The following LIPK variants were observed in gnomAD, a reference collection of about 807,000 sequenced individuals.
The protein encoded by LIPK is lipase member K.
Under a neutral mutation model 48.6 loss-of-function variants are expected in LIPK, and 32 were observed. That is an observed-to-expected ratio of 0.66 (90% CI 0.50 to 0.88). LIPK has a LOEUF of 0.88. LIPK is among the 40% of genes least tolerant of loss of function. The pLI, the probability that LIPK is intolerant of heterozygous loss-of-function variation, is 0.00. For synonymous variants in LIPK, 164 were observed against 157.4 expected, an observed-to-expected ratio of 1.04 and a Z score of -0.32; for missense variants, 507 against 478.5, an observed-to-expected ratio of 1.06 and a Z score of -0.56.
At chr10:88,727,832 T>C in intron 3 of LIPK, 1 of 359,604 alleles carries the variant, frequency 2.8e-6, no homozygotes. Context: ...CCTGAACAAG[T>C]TTGCCTCCTT....
In LIPK at chr10:88,749,639, T is replaced by C. The variant is rs1252757134; in HGVS notation, c.961-2878T>C. The stretch of plus-strand genomic sequence containing the variant: ...AAGATGGATTAAAGACTTAAATGTA[T>C]AACCTACAACTATAAAAACCCTAAA... On this transcript the variant is annotated intron_variant, in intron 9 of 9. Coordinates refer to ENST00000404190, the MANE Select transcript of LIPK (RefSeq NM_001080518.2). Among the ~76,000 whole-genome samples the C allele has an allele frequency of 4.3e-5, 5 of 115,078 alleles. No individual in the cohort carries two copies. The East Asian group carries it at 1.2e-3, about 28-fold the overall frequency. 75.5% of individuals were successfully genotyped at this position (115,078 alleles called of 152,430 possible). A position where few individuals can be genotyped will look rare whatever the true frequency, so the allele number is the denominator to read the frequency against.
rs564817695 is a variant in LIPK at position 88,708,572 on chromosome 10, T to A, written c.-12+2252T>A. Among the ~76,000 whole-genome samples the A allele has an allele frequency of 9.2e-5, 14 of 152,204 alleles. No individual in the cohort carries two copies. In the South Asian group the frequency reaches 2.7e-3, roughly 29 times the overall value. On this transcript the variant is annotated intron_variant, in intron 1 of 9. Coordinates refer to ENST00000404190, the MANE Select transcript of LIPK (RefSeq NM_001080518.2). ...TTTAGGTTGGCATATAAAATTTATG[T>A]CATATTTTTAAATCATTGCTAAGGT...
rs550617361 is a variant in LIPK at position 88,736,586 on chromosome 10, T to C, written c.670-1049T>C. Reference sequence around the variant, plus strand: ...AAAGGCAGGATCTGACTTTAACCGGTAAACAAATTTATTTTTTATTTATCA... The same window carrying C: ...AAAGGCAGGATCTGACTTTAACCGGCAAACAAATTTATTTTTTATTTATCA... On this transcript the variant is annotated intron_variant, in intron 6 of 9. Coordinates refer to ENST00000404190, the MANE Select transcript of LIPK (RefSeq NM_001080518.2). 1.3e-4 allele frequency among the ~76,000 whole-genome samples: 20 copies of C among 152,328 alleles called. No individual in the cohort carries two copies. In the South Asian group the frequency reaches 3.9e-3, roughly 30 times the overall value.
rs192042761 is a variant in LIPK at position 88,744,941 on chromosome 10, A to G, written c.960+1620A>G. 9.2e-4 allele frequency among the ~76,000 whole-genome samples: 140 copies of G among 152,350 alleles called. 2 individuals are homozygous for G. The highest frequency in any genetic ancestry group is 8.9e-3 in the Admixed American group (136 of 15,304). On this transcript the variant is annotated intron_variant, in intron 9 of 9. Coordinates refer to ENST00000404190, the MANE Select transcript of LIPK (RefSeq NM_001080518.2). The stretch of plus-strand genomic sequence containing the variant: ...GCCATTTTAAGAAATAACCAAATTG[A>G]TCTGATAGAGCTGGGAAACTCACTA...
Position 88,720,355 on chromosome 10 carries a change from C to A in LIPK, c.-11-4178C>A, listed in dbSNP as rs372212460. On this transcript the variant is annotated intron_variant, in intron 1 of 9. Coordinates refer to ENST00000404190, the MANE Select transcript of LIPK (RefSeq NM_001080518.2). ...GACACAAAGAGGGGAATGACAGACACTGGGGCCTACTTGAGGGTGGAGGGT... is the reference window on the plus strand; with the variant it reads ...GACACAAAGAGGGGAATGACAGACAATGGGGCCTACTTGAGGGTGGAGGGT... 7.8e-4 allele frequency among the ~76,000 whole-genome samples: 118 copies of A among 152,116 alleles called. 2 individuals are homozygous for A. Among genetic ancestry groups the A allele is most frequent in the African/African-American group, 2.7e-3 (111 of 41,494 alleles).
At chr10:88,722,580 G>C (rs192305081) in intron 1 of LIPK, among the ~76,000 whole-genome samples, 5 of 152,286 alleles carry the variant, frequency 3.3e-5, no homozygotes, top group East Asian at 1.9e-4. Context: ...TGATGTCTAA[G>C]AGTCTTCAGT....
chr10:88,741,573 T>C (rs1842680631), intron 8 of LIPK, among the ~76,000 whole-genome samples: 1 of 152,162 alleles, frequency 6.6e-6, no homozygotes, highest in African/African-American at 2.4e-5. Flanking sequence ...GAAAAACTTT[T>C]CCCCTTTGAC....
At chr10:88,728,536 A>T in intron 3 of LIPK, 2 of 335,174 alleles carry the variant, frequency 6.0e-6, no homozygotes, top group East Asian at 8.2e-5. Context: ...GCAGAGCTGG[A>T]GGCCGCCCTA....
intron 1 of LIPK, among the ~76,000 whole-genome samples, chr10:88,711,285 GAT>G (rs1842021104): frequency 6.6e-6 from 1 of 152,060 alleles, no homozygotes; most frequent in African/African-American, 2.4e-5. Flanking sequence ...TGAATAACGT[GAT>G]GTTTTGCTAT....
rs776732749 is a variant in LIPK, at chr10:88,732,464, A to AT, written c.588dup (p.Ala197CysfsTer9). On this transcript the variant is annotated frameshift_variant, in exon 6 of 10. Coordinates refer to ENST00000404190, the MANE Select transcript of LIPK (RefSeq NM_001080518.2). LOFTEE classifies it high-confidence loss of function. The stretch of plus-strand genomic sequence containing the variant: ...CAGAACTGGCTAAAAAGATTAAGAT[A>AT]TTTTTTGCACTGGCTCCAGTTGTCA... 1.9e-6 allele frequency: 3 copies of AT among 1,613,688 alleles called. No homozygotes were observed. The highest frequency in any genetic ancestry group is 2.2e-5 in the East Asian group (1 of 44,880).
intron 1 of LIPK, among the ~76,000 whole-genome samples, chr10:88,713,115 C>T (rs1172352867): frequency 6.6e-6 from 1 of 152,102 alleles, no homozygotes; most frequent in Non-Finnish European, 1.5e-5. Context: ...TGGGATCAAA[C>T]CAATCAGATA....
chr10:88,714,483 TTAGA>T (rs1395310254), intron 1 of LIPK, among the ~76,000 whole-genome samples: 1 of 152,148 alleles, frequency 6.6e-6, no homozygotes, highest in Non-Finnish European at 1.5e-5. Context: ...CTTCCGCATA[TTAGA>T]TAGGATGCTC....
intron 1 of LIPK, among the ~76,000 whole-genome samples, chr10:88,707,971 T>G (rs1458196085): frequency 6.6e-6 from 1 of 152,124 alleles, no homozygotes; most frequent in Non-Finnish European, 1.5e-5. Flanking sequence ...ATCCTAAATC[T>G]CTGTAAACAC....
intron 1 of LIPK, among the ~76,000 whole-genome samples, chr10:88,710,530 A>G (rs11202825): frequency 0.1 from 15,492 of 152,190 alleles, 905 homozygotes; most frequent in African/African-American, 0.17. Flanking sequence ...AGCAAACACT[A>G]TTGTGATTTC....
chr10:88,708,090 T>C (rs1841967555), intron 1 of LIPK, among the ~76,000 whole-genome samples: 1 of 152,172 alleles, frequency 6.6e-6, no homozygotes, highest in African/African-American at 2.4e-5. Flanking sequence ...GTCATTTGTA[T>C]GGCTGCCAAG....
chr10:88,716,155 T>A (rs1019364230), intron 1 of LIPK, among the ~76,000 whole-genome samples: 2 of 152,086 alleles, frequency 1.3e-5, no homozygotes, highest in African/African-American at 4.8e-5. Flanking sequence ...GAGACCAGTA[T>A]AATGATATAA....
At chr10:88,714,397 A>G (rs940530617) in intron 1 of LIPK, among the ~76,000 whole-genome samples, 1 of 152,198 alleles carries the variant, frequency 6.6e-6, no homozygotes, top group South Asian at 2.1e-4. Flanking sequence ...GAAGGGTTGT[A>G]TGCTAACAAC....
At chr10:88,725,201 C>T (rs1047113050) in intron 2 of LIPK, among the ~76,000 whole-genome samples, 6 of 152,170 alleles carry the variant, frequency 3.9e-5, no homozygotes, top group East Asian at 1.9e-4. Context: ...CTGTACCATA[C>T]GCAAGTTGTA....
chr10:88,727,465 G>C (rs1425221181), intron 3 of LIPK: 1 of 161,708 alleles, frequency 6.2e-6, no homozygotes, highest in Non-Finnish European at 1.3e-5. Flanking sequence ...TACCCTATTA[G>C]CTCCCACCTA....
Sources: allele counts gnomAD v4.1 joint callset (sites outside exome capture counted in the v4.1 genomes callset), GRCh38; gene constraint gnomAD v4.1.1; transcripts MANE v1.5; gene names NCBI Gene and HGNC (gene_info 2026-07-23, HGNC 2026-07-21).